The following SCRN1 variants were observed in gnomAD, a reference collection of about 807,000 sequenced individuals.
SCRN1 encodes the protein secernin 1.
A neutral mutation model predicts 43.3 loss-of-function variants in SCRN1; 19 were observed. The ratio of observed to expected loss-of-function variants is 0.44; its 90% confidence interval spans 0.31 to 0.64. The LOEUF (loss-of-function observed/expected upper bound fraction) is 0.64. SCRN1 is among the 30% of genes least tolerant of loss of function. The pLI, the probability that SCRN1 is intolerant of heterozygous loss-of-function variation, is 0.09. For synonymous variants in SCRN1, 183 were observed against 188.9 expected, an observed-to-expected ratio of 0.97 and a Z score of 0.26; for missense variants, 447 against 524.1, an observed-to-expected ratio of 0.85 and a Z score of 1.44.
chr7:29,961,862 T>G (rs987509153), intron 2 of SCRN1, among the ~76,000 whole-genome samples: 31 of 152,176 alleles, frequency 2.0e-4, no homozygotes, highest in African/African-American at 6.8e-4. Context: ...TTCTTACTCT[T>G]CTAGTCTTAA....
intron 1 of SCRN1, among the ~76,000 whole-genome samples, chr7:29,988,269 T>G (rs754176848): frequency 4.6e-5 from 7 of 152,116 alleles, no homozygotes; most frequent in East Asian, 1.9e-4. Context: ...CAAAAAGACA[T>G]CAGCAGCCAC....
At chr7:29,947,170 T>G (rs1020688230) in intron 3 of SCRN1, 2 of 1,547,924 alleles carry the variant, frequency 1.3e-6, no homozygotes, top group Non-Finnish European at 1.7e-6. Context: ...TCTTCCAAAG[T>G]GTGTGCTTTG....
chr7:29,989,234 C>G (rs1583708302), intron 1 of SCRN1: 1 of 152,232 alleles, frequency 6.6e-6, no homozygotes, highest in African/African-American at 2.4e-5. Context: ...GGTACGGCAC[C>G]TCGGGGAAGG....
chr7:29,975,173 C>T (rs1225985643), intron 1 of SCRN1, among the ~76,000 whole-genome samples: 1 of 152,068 alleles, frequency 6.6e-6, no homozygotes, highest in East Asian at 1.9e-4. Context: ...AAACTTAGAA[C>T]ATGAGAAAAC....
At chr7:29,988,789 A>C (rs1789250645) in intron 1 of SCRN1, 1 of 152,272 alleles carries the variant, frequency 6.6e-6, no homozygotes, top group East Asian at 1.9e-4. Flanking sequence ...TTTGAGTCAA[A>C]GCAGGTAACA....
At position 29,924,023 on chromosome 7, in the gene SCRN1, CAGTGGCTCG is replaced by C; in HGVS notation, c.1170_1178del (p.Glu391_Leu393del). ...AAAGGTCCCCCACTTCCGCAGGGTC[CAGTGGCTCG>C]GAGCTGGTCAGGATTTCTTCCATGG... On this transcript the variant is annotated inframe_deletion, in exon 8 of 8. Transcript: ENST00000242059. The C allele has an allele frequency of 6.2e-7, 1 of 1,614,180 alleles. No individual in the cohort carries two copies. The highest frequency in any genetic ancestry group is 1.1e-5 in the South Asian group (1 of 91,078).
intron 3 of SCRN1, among the ~76,000 whole-genome samples, chr7:29,949,662 CCCA>C (rs1315394860): frequency 2.0e-5 from 3 of 147,192 alleles, no homozygotes; most frequent in African/African-American, 7.6e-5. Context: ...TGGGGCATAA[CCCA>C]CCACATCAGG....
intron 7 of SCRN1, among the ~76,000 whole-genome samples, chr7:29,924,442 C>T (rs990869847): frequency 3.3e-5 from 5 of 152,260 alleles, no homozygotes; most frequent in African/African-American, 4.8e-5. Context: ...CACTGTAGCC[C>T]TCCAGCCTCT....
At chr7:29,952,129 G>C (rs1182656404) in intron 3 of SCRN1, among the ~76,000 whole-genome samples, 1 of 152,256 alleles carries the variant, frequency 6.6e-6, no homozygotes, top group Non-Finnish European at 1.5e-5. Context: ...CCAACTGATA[G>C]AAAGTTTCCT....
At chr7:29,958,884 G>T (rs1337004860) in intron 2 of SCRN1, among the ~76,000 whole-genome samples, 1 of 152,204 alleles carries the variant, frequency 6.6e-6, no homozygotes, top group Non-Finnish European at 1.5e-5. Context: ...GTGCTAATCA[G>T]GGGGTTTCCA....
intron 6 of SCRN1, among the ~76,000 whole-genome samples, chr7:29,927,418 G>A (rs1012479298): frequency 1.5e-5 from 2 of 129,900 alleles, no homozygotes; most frequent in Non-Finnish European, 3.1e-5. Flanking sequence ...TGTGGCCTGG[G>A]ATCCCAGGCC....
At chr7:29,987,534 T>G (rs1252088461) in intron 1 of SCRN1, among the ~76,000 whole-genome samples, 1 of 152,222 alleles carries the variant, frequency 6.6e-6, no homozygotes, top group Non-Finnish European at 1.5e-5. Context: ...AAATAATGTT[T>G]TTGGTTCTTA....
chr7:29,966,459 T>C (rs900469825), intron 2 of SCRN1, among the ~76,000 whole-genome samples: 2 of 152,054 alleles, frequency 1.3e-5, no homozygotes, highest in Non-Finnish European at 2.9e-5. Context: ...TGTATGTCTT[T>C]TGGGAAAAAA....
At chr7:29,959,233 AC>A (rs1404407712) in intron 2 of SCRN1, among the ~76,000 whole-genome samples, 1 of 152,196 alleles carries the variant, frequency 6.6e-6, no homozygotes, top group Non-Finnish European at 1.5e-5. Context: ...CAACCCTGGC[AC>A]CACCAGCAAA....
Position 29,940,753 on chromosome 7 carries a change from G to C in SCRN1, c.668C>G (p.Ser223Cys). 1.9e-6 allele frequency: 3 copies of C among 1,609,060 alleles called. No homozygotes were observed. Among genetic ancestry groups the C allele is most frequent in the South Asian group, 2.2e-5 (2 of 90,094 alleles). ...ATCCTCAACTGGAGAAAAGACTTCGGAAAAATTGAACTCGCCCTCTCCCGT... is the reference window on the plus strand; with the variant it reads ...ATCCTCAACTGGAGAAAAGACTTCGCAAAAATTGAACTCGCCCTCTCCCGT... ...WWTGEGEFNF[S>C]EVFSPVEDHL... The change falls in exon 5 of 8, where the codon TCC becomes TGC. Residue 223 changes from serine to cysteine, a missense_variant. Physicochemically the swap from Ser to Cys is moderately radical, Grantham distance 112 (BLOSUM62 -1). Transcript: ENST00000242059.
intron 6 of SCRN1, among the ~76,000 whole-genome samples, chr7:29,933,843 G>T (rs1787239064): frequency 6.6e-6 from 1 of 152,208 alleles, no homozygotes; most frequent in South Asian, 2.1e-4. Context: ...ACAACGGTAA[G>T]ATCACGTTTT....
At chr7:29,946,136 G>A (rs1002696897) in intron 3 of SCRN1, among the ~76,000 whole-genome samples, 3 of 152,108 alleles carry the variant, frequency 2.0e-5, no homozygotes, top group African/African-American at 4.8e-5. Context: ...AGCAAGACTC[G>A]GTTACAAGGC....
At chr7:29,926,709 G>T in intron 6 of SCRN1, 77 bp from the exon 7 acceptor site, 1 of 1,173,952 alleles carries the variant, frequency 8.5e-7, no homozygotes. Flanking sequence ...CTTTTATTCA[G>T]CAAACATTTC....
At chr7:29,979,053 T>C (rs940040777) in intron 1 of SCRN1, among the ~76,000 whole-genome samples, 1 of 152,230 alleles carries the variant, frequency 6.6e-6, no homozygotes, top group African/African-American at 2.4e-5. Flanking sequence ...TTATATGATG[T>C]TTCCCAATTT....
Sources: allele counts gnomAD v4.1 joint callset (sites outside exome capture counted in the v4.1 genomes callset), GRCh38; gene constraint gnomAD v4.1.1; transcripts MANE v1.5; gene names NCBI Gene and HGNC (gene_info 2026-07-23, HGNC 2026-07-21).